The following VTI1A variants were observed in gnomAD, a reference collection of about 807,000 sequenced individuals.
The protein encoded by VTI1A is vesicle transport through interaction with t-SNAREs 1A.
VTI1A carries 22 observed loss-of-function variants against 34.9 expected under a neutral mutation model. That is an observed-to-expected ratio of 0.63 (90% CI 0.45 to 0.90). VTI1A has a LOEUF of 0.90. VTI1A is among the 40% of genes least tolerant of loss of function. The pLI is 0.00. For missense variants in VTI1A, 268 were observed against 275.6 expected (o/e 0.97, Z 0.20); for synonymous variants, 87 against 97.3 (o/e 0.89, Z 0.62).
At chr10:112,467,524 G>C (rs1847938049) in intron 3 of VTI1A, among the ~76,000 whole-genome samples, 1 of 152,028 alleles carries the variant, frequency 6.6e-6, no homozygotes, top group Non-Finnish European at 1.5e-5. Context: ...AATTTGTGTT[G>C]GGCTGCAAAA....
chr10:112,565,784 C>CA (rs1158930533), intron 5 of VTI1A, among the ~76,000 whole-genome samples: 2 of 152,002 alleles, frequency 1.3e-5, no homozygotes, highest in Non-Finnish European at 2.9e-5. Flanking sequence ...ATTAATATAA[C>CA]AAAAAAGAAC....
At chr10:112,627,901 G>C (rs1226008842) in intron 5 of VTI1A, among the ~76,000 whole-genome samples, 1 of 151,998 alleles carries the variant, frequency 6.6e-6, no homozygotes, top group African/African-American at 2.4e-5. Flanking sequence ...ATAATTCCAG[G>C]GGGTTCTACT....
chr10:112,650,453 C>A (rs1218345967), intron 5 of VTI1A, among the ~76,000 whole-genome samples: 1 of 58,812 alleles, frequency 1.7e-5, no homozygotes, highest in African/African-American at 3.9e-5. Context: ...GGCTGTTCTA[C>A]TCTTCACATT....
At chr10:112,834,489 T>G in the VTI1A span, among the ~76,000 whole-genome samples, 2 of 152,184 alleles carry the variant, frequency 1.3e-5, no homozygotes, top group East Asian at 3.8e-4. Context: ...AACCTGTGAT[T>G]GGTTCCATGC....
At chr10:112,550,214 A>G (rs1174308107) in intron 5 of VTI1A, among the ~76,000 whole-genome samples, 2 of 152,238 alleles carry the variant, frequency 1.3e-5, no homozygotes, top group South Asian at 2.1e-4. Context: ...ACTACAGCAG[A>G]TTGTGAAAAT....
intron 7 of VTI1A, among the ~76,000 whole-genome samples, chr10:112,768,457 C>T (rs528894905): frequency 3.3e-5 from 5 of 152,288 alleles, no homozygotes; most frequent in South Asian, 2.1e-4. Context: ...CTGCGGTCCA[C>T]GGGAACATTT....
At chr10:112,735,614 C>T (rs1850423484) in intron 7 of VTI1A, among the ~76,000 whole-genome samples, 1 of 152,168 alleles carries the variant, frequency 6.6e-6, no homozygotes, top group Non-Finnish European at 1.5e-5. Context: ...TTCTATACCT[C>T]ACCTTCAAAA....
rs1041946643 is a variant in VTI1A at position 112,636,395 on chromosome 10, T to C, written c.428-31823T>C. ...TCTCCTGCCATTGGATGGTGTGTTA[T>C]GGGTGGGTATGGTGAGTATCCCATT... is the stretch of plus-strand genomic sequence containing the variant. On this transcript the variant is annotated intron_variant, in intron 5 of 7. Coordinates refer to ENST00000393077, the MANE Select transcript of VTI1A (RefSeq NM_145206.4). 2.0e-5 allele frequency among the ~76,000 whole-genome samples: 3 copies of C among 152,304 alleles called. No individual in the cohort carries two copies. In the East Asian group the frequency reaches 5.8e-4, roughly 29 times the overall value.
intron 7 of VTI1A, among the ~76,000 whole-genome samples, chr10:112,703,317 C>T (rs1024765412): frequency 5.9e-5 from 9 of 152,140 alleles, no homozygotes; most frequent in African/African-American, 2.2e-4. Flanking sequence ...CCTGTAACCC[C>T]AGCACTTTGG....
chr10:112,759,414 T>C (rs1277008168), intron 7 of VTI1A, among the ~76,000 whole-genome samples: 1 of 152,196 alleles, frequency 6.6e-6, no homozygotes, highest in Non-Finnish European at 1.5e-5. Context: ...TGTTGAAGTA[T>C]CATGTTTTGA....
intron 5 of VTI1A, among the ~76,000 whole-genome samples, chr10:112,595,942 G>A (rs1202980504): frequency 2.0e-5 from 3 of 152,178 alleles, no homozygotes; most frequent in Non-Finnish European, 2.9e-5. Context: ...ACTGGATTAA[G>A]AAAATGTGGC....
At chr10:112,802,864 A>C (rs1852923091) in intron 7 of VTI1A, among the ~76,000 whole-genome samples, 1 of 152,212 alleles carries the variant, frequency 6.6e-6, no homozygotes, top group Non-Finnish European at 1.5e-5. Context: ...TACTGTCATC[A>C]TCACTCCATA....
intron 7 of VTI1A, among the ~76,000 whole-genome samples, chr10:112,685,197 C>A (rs1848361513): frequency 6.6e-6 from 1 of 152,194 alleles, no homozygotes. Flanking sequence ...CCTCTACCTA[C>A]CAGAAGCGGT....
Position 112,675,892 on chromosome 10 carries a change from C to T in VTI1A, c.560+6894C>T, listed in dbSNP as rs182477872. ...ACCTTTGGCAAGAATCTCACCTCTC[C>T]GTACCTCAGTTTCCTCATCTGCAAA... On this transcript the variant is annotated intron_variant, in intron 7 of 7. Transcript: ENST00000393077. Among the ~76,000 whole-genome samples, 350 of 152,252 alleles carry T rather than the reference C, an allele frequency of 2.3e-3. 4 individuals carry two copies. The highest frequency in any genetic ancestry group is 1.8e-3 in the Non-Finnish European group (124 of 68,016).
intron 7 of VTI1A, among the ~76,000 whole-genome samples, chr10:112,782,873 C>A (rs1852175312): frequency 6.6e-6 from 1 of 152,176 alleles, no homozygotes; most frequent in Admixed American, 6.5e-5. Context: ...CCTTCCCCTT[C>A]TAATTTCGAT....
At position 112,632,392 on chromosome 10, in the gene VTI1A, T is replaced by C. The variant is rs554546829; in HGVS notation, c.428-35826T>C. Among the ~76,000 whole-genome samples, 31 of 152,300 alleles carry C rather than the reference T, an allele frequency of 2.0e-4. No individual in the cohort carries two copies. The South Asian group carries it at 6.4e-3, about 32-fold the overall frequency. The stretch of plus-strand genomic sequence containing the variant: ...AAAATCAGGGTTTATTTTAAAAGAG[T>C]TCTTTACCATTGAAGGATAGACAGG... On this transcript the variant is annotated intron_variant, in intron 5 of 7. Transcript: ENST00000393077.
intron 7 of VTI1A, among the ~76,000 whole-genome samples, chr10:112,800,657 G>T (rs562173911): frequency 6.6e-6 from 1 of 152,200 alleles, no homozygotes; most frequent in Non-Finnish European, 1.5e-5. Context: ...AAAGCAGAGC[G>T]TTGATTCTTT....
chr10:112,845,828 G>C, the VTI1A span, among the ~76,000 whole-genome samples: 2 of 152,116 alleles, frequency 1.3e-5, no homozygotes, highest in Non-Finnish European at 2.9e-5. Flanking sequence ...GACCAGCCTG[G>C]CCAACATGGT....
At chr10:112,591,465 A>G (rs891970516) in intron 5 of VTI1A, among the ~76,000 whole-genome samples, 1 of 152,136 alleles carries the variant, frequency 6.6e-6, no homozygotes, top group Non-Finnish European at 1.5e-5. Flanking sequence ...GCTTGCAGTG[A>G]GCAGAGATCG....
Sources: allele counts gnomAD v4.1 joint callset (sites outside exome capture counted in the v4.1 genomes callset), GRCh38; gene constraint gnomAD v4.1.1; transcripts MANE v1.5; gene names NCBI Gene and HGNC (gene_info 2026-07-23, HGNC 2026-07-21).